Variants in TARBP1 observed in about 807,000 individuals in gnomAD.
The protein encoded by TARBP1 is tRNA (guanosine(18)-2'-O)-methyltransferase TARBP1.
A neutral mutation model predicts 178.6 loss-of-function variants in TARBP1; 144 were observed. The ratio of observed to expected loss-of-function variants is 0.81; its 90% CI spans 0.70 to 0.93. The LOEUF is 0.93. Ranked by LOEUF, TARBP1 falls within the 40% of genes least tolerant of loss-of-function variation. The pLI is 0.00. For synonymous variants in TARBP1, 787 were observed against 781.0 expected, an observed-to-expected ratio of 1.01 and a Z score of -0.13; for missense variants, 2,067 against 2,011.7, an observed-to-expected ratio of 1.03 and a Z score of -0.53.
At chr1:234,400,149 G>A (rs1021203056) in intron 25 of TARBP1, 3 of 152,032 alleles carry the variant, frequency 2.0e-5, no homozygotes, top group Non-Finnish European at 4.4e-5. Flanking sequence ...TTTCATGACT[G>A]GAGAATAAAT....
intron 6 of TARBP1, among the ~76,000 whole-genome samples, chr1:234,463,109 T>C (rs545200602): frequency 7.0e-6 from 1 of 143,188 alleles, no homozygotes; most frequent in African/African-American, 2.5e-5. Context: ...AGGTCTTACA[T>C]AAAACAAGTG....
At chr1:234,410,704 C>G (rs769691965) in intron 22 of TARBP1, among the ~76,000 whole-genome samples, 173 bp from the exon 23 acceptor site, 2 of 152,204 alleles carry the variant, frequency 1.3e-5, no homozygotes, top group African/African-American at 2.4e-5. Flanking sequence ...GGACTGAAAG[C>G]AAAGGAAATA....
intron 23 of TARBP1, chr1:234,406,942 C>G (rs1010929875): frequency 2.0e-5 from 3 of 152,244 alleles, no homozygotes; most frequent in African/African-American, 7.2e-5. Context: ...CAATTCAAAA[C>G]AACCATATTC....
Position 234,478,717 on chromosome 1 carries a change from G to T in TARBP1, c.387C>A (p.Leu129=). The T allele has an allele frequency of 4.2e-6, 5 of 1,202,814 alleles. No individual in the cohort carries two copies. Among genetic ancestry groups the T allele is most frequent in the South Asian group, 3.2e-5 (1 of 30,792 alleles). The allele number at this position is 1,202,814 out of a possible 1,614,324, so 74.5% of individuals were successfully genotyped here. A position where few individuals can be genotyped will look rare whatever the true frequency, so the allele number is the denominator to read the frequency against. Reference sequence around the variant, plus strand: ...CGGCGCCAGGCGCGCGCCACCCGGCGAGCAGATCGCGCAGCGCCTCCTCAG... The same window carrying T: ...CGGCGCCAGGCGCGCGCCACCCGGCTAGCAGATCGCGCAGCGCCTCCTCAG... ...ALAEEALRDL[L]AGWRAPGAEA... Residue 129 remains leucine (L), a synonymous_variant, in exon 1 of 30, where the codon CTC becomes CTA. Coordinates refer to ENST00000040877, the MANE Select transcript of TARBP1 (RefSeq NM_005646.4).
intron 6 of TARBP1, 103 bp from the exon 7 acceptor site, chr1:234,460,499 G>T (rs576123142): frequency 3.3e-6 from 4 of 1,204,364 alleles, no homozygotes; most frequent in South Asian, 2.9e-5. Context: ...CCATAGTAAG[G>T]CTCCACTTCC....
intron 22 of TARBP1, among the ~76,000 whole-genome samples, chr1:234,415,914 C>A (rs1292729452): frequency 6.6e-6 from 1 of 152,228 alleles, no homozygotes; most frequent in African/African-American, 2.4e-5. Context: ...CCCTCTTCCC[C>A]ACTACCTTTT....
At chr1:234,450,617 G>T in intron 9 of TARBP1, 51 bp from the exon 10 acceptor site, 1 of 1,568,778 alleles carries the variant, frequency 6.4e-7, no homozygotes, top group South Asian at 1.2e-5. Context: ...ACCAAACAAA[G>T]GATTTCTAAT....
At chr1:234,418,813 A>G (rs1425244950) in intron 21 of TARBP1, among the ~76,000 whole-genome samples, 3 of 152,198 alleles carry the variant, frequency 2.0e-5, no homozygotes, top group African/African-American at 7.2e-5. Flanking sequence ...CTGTATTTCT[A>G]TCGGGGGACG....
intron 25 of TARBP1, chr1:234,400,963 G>A (rs1463661862): frequency 1.8e-5 from 7 of 385,146 alleles, no homozygotes; most frequent in Admixed American, 4.3e-5. Flanking sequence ...GAAATAGAAA[G>A]TGAAAATGAC....
At chr1:234,444,312 G>A (rs1665923107) in intron 12 of TARBP1, among the ~76,000 whole-genome samples, 1 of 152,286 alleles carries the variant, frequency 6.6e-6, no homozygotes, top group African/African-American at 2.4e-5. Flanking sequence ...CCAGTGTAAT[G>A]AAAGGGAAGC....
At chr1:234,412,417 G>A (rs34349118) in intron 22 of TARBP1, among the ~76,000 whole-genome samples, 15,496 of 146,566 alleles carry the variant, frequency 0.11, 890 homozygotes, top group African/African-American at 0.12. Flanking sequence ...GACAGACGCC[G>A]TCTCAAAAAA....
intron 1 of TARBP1, among the ~76,000 whole-genome samples, chr1:234,473,357 T>TC (rs1052033151): frequency 6.6e-6 from 1 of 152,166 alleles, no homozygotes; most frequent in Non-Finnish European, 1.5e-5. Flanking sequence ...AACAGTCACA[T>TC]CCCCAGGCCA....
In TARBP1 at chr1:234,478,604, G is replaced by A; in HGVS notation, c.500C>T (p.Ala167Val). ...GPLLERVAGT[A>V]VALALGGGGD... ...GCCCCCGCCCAGCGCCAGGGCGACG[G>A]CGGTCCCCGCCACGCGCTCCAGTAG... The change falls in exon 1 of 30, where the codon GCC becomes GTC. Residue 167 changes from alanine to valine, a missense_variant. Ala to Val is a moderately conservative substitution (Grantham distance 64, BLOSUM62 0). Transcript: ENST00000040877. 1 of 1,300,016 alleles carries A rather than the reference G, an allele frequency of 7.7e-7. No homozygotes were observed. Among genetic ancestry groups the A allele is most frequent in the Non-Finnish European group, 9.7e-7 (1 of 1,025,702 alleles). The allele number at this position is 1,300,016 out of a possible 1,614,324, so 80.5% of individuals were successfully genotyped here.
intron 9 of TARBP1, among the ~76,000 whole-genome samples, chr1:234,455,122 C>A (rs1667147900): frequency 6.6e-6 from 1 of 152,146 alleles, no homozygotes; most frequent in Non-Finnish European, 1.5e-5. Context: ...ACAAGCCAGC[C>A]AGAATCTTAA....
intron 12 of TARBP1, 45 bp downstream of exon 12, chr1:234,446,758 A>T: frequency 6.5e-7 from 1 of 1,533,280 alleles, no homozygotes; most frequent in Non-Finnish European, 8.8e-7. Flanking sequence ...TCTAAATACC[A>T]ATGCTATATC....
intron 22 of TARBP1, among the ~76,000 whole-genome samples, chr1:234,417,872 T>C (rs953019398): frequency 2.6e-5 from 4 of 152,194 alleles, no homozygotes; most frequent in Non-Finnish European, 5.9e-5. Context: ...TTTTGTTGAA[T>C]AGAACAGCTC....
chr1:234,433,021 C>T (rs1221369046), intron 14 of TARBP1, among the ~76,000 whole-genome samples: 1 of 152,140 alleles, frequency 6.6e-6, no homozygotes, highest in African/African-American at 2.4e-5. Context: ...AGGCGGATCA[C>T]GAGGTCAGGA....
intron 6 of TARBP1, 72 bp from the exon 7 acceptor site, chr1:234,460,468 T>C: frequency 6.6e-7 from 1 of 1,519,614 alleles, no homozygotes; most frequent in South Asian, 1.2e-5. Flanking sequence ...CCATTAGGTA[T>C]TAGGGAAATA....
chr1:234,452,622 G>A (rs1164682815), intron 9 of TARBP1, among the ~76,000 whole-genome samples: 1 of 152,146 alleles, frequency 6.6e-6, no homozygotes, highest in Non-Finnish European at 1.5e-5. Context: ...TGGTAGGAAT[G>A]CAAAATAGTA....
Sources: gnomAD v4.1 joint callset for allele counts (sites outside exome capture counted in the v4.1 genomes callset) on GRCh38, gnomAD v4.1.1 for gene constraint, MANE v1.5 for transcripts, NCBI Gene and HGNC (gene_info 2026-07-23, HGNC 2026-07-21) for gene names.